Variants in TBC1D5 observed in about 807,000 individuals in gnomAD.
TBC1D5 encodes TBC1 domain family, member 5.
A neutral mutation model predicts 100.3 loss-of-function variants in TBC1D5; 75 were observed. That is an observed-to-expected ratio of 0.75 (90% CI 0.62 to 0.91). The LOEUF is 0.91. Ranked by LOEUF, TBC1D5 falls within the 40% of genes least tolerant of loss-of-function variation. TBC1D5 has a pLI of 0.00. For missense variants in TBC1D5, 910 were observed against 942.4 expected (o/e 0.97, Z 0.45); for synonymous variants, 323 against 325.6 (o/e 0.99, Z 0.09).
chr3:17,490,533 C>G (rs1473073222), intron 3 of TBC1D5, among the ~76,000 whole-genome samples: 2 of 152,128 alleles, frequency 1.3e-5, no homozygotes, highest in Non-Finnish European at 2.9e-5. Context: ...GGTCTAGTTT[C>G]AATTTTCTGC....
At chr3:17,529,917 T>C (rs1360739832) in intron 2 of TBC1D5, among the ~76,000 whole-genome samples, 1 of 152,202 alleles carries the variant, frequency 6.6e-6, no homozygotes, top group African/African-American at 2.4e-5. Context: ...CTATGCATTT[T>C]TATTTTTAAT....
At chr3:17,549,728 C>T (rs1451241066) in intron 2 of TBC1D5, among the ~76,000 whole-genome samples, 1 of 152,052 alleles carries the variant, frequency 6.6e-6, no homozygotes, top group African/African-American at 2.4e-5. Flanking sequence ...GTCAGGAGTT[C>T]AAGACCAGCC....
chr3:17,569,520 T>C (rs544634132), intron 2 of TBC1D5, among the ~76,000 whole-genome samples: 21 of 151,838 alleles, frequency 1.4e-4, no homozygotes, highest in African/African-American at 4.8e-4. Flanking sequence ...GGTAGTAAAT[T>C]TGAATTTAAT....
intron 2 of TBC1D5, among the ~76,000 whole-genome samples, chr3:17,590,184 T>C (rs2096757630): frequency 6.6e-6 from 1 of 152,094 alleles, no homozygotes; most frequent in South Asian, 2.1e-4. Flanking sequence ...ACTGTTTGAG[T>C]TTTCCAGTTT....
intron 3 of TBC1D5, among the ~76,000 whole-genome samples, chr3:17,497,858 T>G (rs1452437381): frequency 1.3e-5 from 2 of 152,196 alleles, no homozygotes; most frequent in Non-Finnish European, 2.9e-5. Context: ...ATTATTTATC[T>G]GTAGATAAAT....
At chr3:17,362,866 A>C (rs929570811) in intron 13 of TBC1D5, among the ~76,000 whole-genome samples, 3 of 152,212 alleles carry the variant, frequency 2.0e-5, no homozygotes, top group African/African-American at 7.2e-5. Flanking sequence ...AGTACCCAGC[A>C]GTTTTCCCCA....
chr3:17,317,272 G>A (rs1358516195), intron 13 of TBC1D5, among the ~76,000 whole-genome samples: 1 of 152,164 alleles, frequency 6.6e-6, no homozygotes, highest in Non-Finnish European at 1.5e-5. Flanking sequence ...GTATGTCTCA[G>A]TTACTATCCA....
intron 2 of TBC1D5, among the ~76,000 whole-genome samples, chr3:17,560,586 T>A (rs897782238): frequency 7.6e-6 from 1 of 131,500 alleles, no homozygotes; most frequent in Admixed American, 8.4e-5. Context: ...GCCACTGCAC[T>A]CTGACCTGGG....
intron 2 of TBC1D5, among the ~76,000 whole-genome samples, chr3:17,563,315 G>C (rs2096571633): frequency 6.6e-6 from 1 of 152,178 alleles, no homozygotes; most frequent in Admixed American, 6.5e-5. Context: ...GCCTAGGCTG[G>C]ATCTGTTAAC....
At chr3:17,500,004 G>C (rs958982025) in intron 3 of TBC1D5, among the ~76,000 whole-genome samples, 2 of 149,150 alleles carry the variant, frequency 1.3e-5, no homozygotes, top group African/African-American at 2.6e-5. Flanking sequence ...TGCCTAAAGG[G>C]GTAGTGGATA....
At chr3:17,458,502 G>A (rs2095137899) in intron 3 of TBC1D5, among the ~76,000 whole-genome samples, 1 of 152,120 alleles carries the variant, frequency 6.6e-6, no homozygotes, top group Non-Finnish European at 1.5e-5. Flanking sequence ...GTGGCTCCCA[G>A]GATATTCATC....
rs527987480 is a variant in TBC1D5 at position 17,381,511 on chromosome 3, T to C, written c.612+2402A>G. Among the ~76,000 whole-genome samples, 8 of 152,180 alleles carry C rather than the reference T, an allele frequency of 5.3e-5. No individual in the cohort carries two copies. In the South Asian group the frequency reaches 1.5e-3, roughly 28 times the overall value. On this transcript the variant is annotated intron_variant, in intron 9 of 21. Transcript: ENST00000253692. ...AAAGCAGAAAAACAAAATCCTGGAA[T>C]CTGTGATAAAGATTTTAAGCTAATG... is the stretch of plus-strand genomic sequence containing the variant.
chr3:17,618,159 G>C (rs141754312), intron 2 of TBC1D5, among the ~76,000 whole-genome samples: 3,369 of 152,230 alleles, frequency 0.022, 108 homozygotes, highest in African/African-American at 0.076. Flanking sequence ...AGGTCCCTCA[G>C]CTGCAGGTCT....
At chr3:17,631,306 G>T (rs2063492525) in intron 1 of TBC1D5, among the ~76,000 whole-genome samples, 1 of 152,164 alleles carries the variant, frequency 6.6e-6, no homozygotes, top group Admixed American at 6.5e-5. Flanking sequence ...AGAGGCAGTA[G>T]TGAGAAACCT....
chr3:17,532,371 CTT>C (rs916812019), intron 2 of TBC1D5, among the ~76,000 whole-genome samples: 52 of 152,294 alleles, frequency 3.4e-4, no homozygotes, highest in African/African-American at 1.3e-3. Flanking sequence ...AACAGGAACA[CTT>C]TTACACTGTT....
At chr3:17,482,451 T>C (rs1422521066) in intron 3 of TBC1D5, among the ~76,000 whole-genome samples, 1 of 152,246 alleles carries the variant, frequency 6.6e-6, no homozygotes, top group Non-Finnish European at 1.5e-5. Context: ...TGGCTCATTC[T>C]GGAGCTTCTT....
intron 3 of TBC1D5, among the ~76,000 whole-genome samples, chr3:17,452,923 A>T (rs73161481): frequency 2.0e-5 from 3 of 151,980 alleles, no homozygotes; most frequent in Non-Finnish European, 4.4e-5. Flanking sequence ...TTTACAAAAC[A>T]AGTCTTAAAA....
At chr3:17,485,655 T>C (rs537560653) in intron 3 of TBC1D5, among the ~76,000 whole-genome samples, 1,709 of 152,262 alleles carry the variant, frequency 0.011, 24 homozygotes, top group African/African-American at 0.038. Flanking sequence ...TCCCTGTCCC[T>C]ACAAAGGATA....
chr3:17,625,513 CA>C (rs1242210153), intron 1 of TBC1D5, among the ~76,000 whole-genome samples: 2 of 152,040 alleles, frequency 1.3e-5, no homozygotes, highest in Non-Finnish European at 2.9e-5. Flanking sequence ...ACACCCATCT[CA>C]ACATCACTCT....
Sources: allele counts gnomAD v4.1 joint callset (sites outside exome capture counted in the v4.1 genomes callset), GRCh38; gene constraint gnomAD v4.1.1; transcripts MANE v1.5; gene names NCBI Gene and HGNC (gene_info 2026-07-23, HGNC 2026-07-21).